The following TRPC4AP variants were observed in gnomAD, a reference collection of about 807,000 sequenced individuals.
TRPC4AP encodes short transient receptor potential channel 4-associated protein.
TRPC4AP carries 45 observed loss-of-function variants against 99.0 expected under a neutral mutation model. The observed-to-expected ratio is 0.45, with a 90% CI of 0.36 to 0.58. TRPC4AP has a LOEUF of 0.58. Ranked by LOEUF, TRPC4AP falls within the 20% of genes least tolerant of loss-of-function variation. The probability of loss-of-function intolerance (pLI) is 0.00; values close to 1 mark genes in which losing one functional copy is unlikely to be tolerated. For missense variants in TRPC4AP, 879 were observed against 985.3 expected, an observed-to-expected ratio of 0.89 and a Z score of 1.44; for synonymous variants, 408 against 385.8, an observed-to-expected ratio of 1.06 and a Z score of -0.67.
chr20:35,039,928 T>C (rs2083409017), intron 7 of TRPC4AP, among the ~76,000 whole-genome samples: 1 of 151,172 alleles, frequency 6.6e-6, no homozygotes, highest in Non-Finnish European at 1.5e-5. Flanking sequence ...TAATTACATG[T>C]AAATTATCTG....
intron 3 of TRPC4AP, among the ~76,000 whole-genome samples, chr20:35,059,710 TAAG>T (rs60932055): frequency 0.047 from 7,047 of 148,606 alleles, 534 homozygotes; most frequent in African/African-American, 0.16. Context: ...GAAGAAGAAA[TAAG>T]AAGAAGAAGA....
chr20:35,013,789 T>C lies in TRPC4AP; in HGVS notation c.1351-723A>G, dbSNP rs531428360. Among the ~76,000 whole-genome samples the C allele has an allele frequency of 2.6e-5, 4 of 152,208 alleles. No individual in the cohort carries two copies. The South Asian group carries it at 8.3e-4, about 32-fold the overall frequency. On this transcript the variant is annotated intron_variant, in intron 10 of 18. Transcript: ENST00000252015. ...TGCCCTGCAGGGACTAGACAGGGTG[T>C]CAGGTCCCAGTAAAGCCTGGGGAGC...
chr20:35,017,016 T>G (rs2082771045), intron 9 of TRPC4AP, among the ~76,000 whole-genome samples: 1 of 152,182 alleles, frequency 6.6e-6, no homozygotes, highest in Non-Finnish European at 1.5e-5. Context: ...TGCAAATCCA[T>G]AATCCCTTTA....
chr20:35,031,289 T>TGCA (rs1410486730), intron 8 of TRPC4AP, among the ~76,000 whole-genome samples: 3 of 151,724 alleles, frequency 2.0e-5, no homozygotes, highest in African/African-American at 7.3e-5. Context: ...AGGCTGTGAT[T>TGCA]GCAGCTCACT....
intron 12 of TRPC4AP, among the ~76,000 whole-genome samples, chr20:35,009,896 C>T (rs535048696): frequency 2.6e-5 from 4 of 152,318 alleles, no homozygotes; most frequent in Admixed American, 2.6e-4. Context: ...CGAGACAAGG[C>T]GGTGGGGCAG....
rs929171789 is a variant in TRPC4AP at position 35,003,760 on chromosome 20, G to C, written c.2050-144C>G. The C allele has an allele frequency of 6.6e-6, 6 of 914,876 alleles. No individual in the cohort carries two copies. In the East Asian group the frequency reaches 1.3e-4, roughly 20 times the overall value. The allele number at this position is 914,876 out of a possible 1,614,324, so 56.7% of individuals were successfully genotyped here. On this transcript the variant is annotated intron_variant, in intron 17 of 18. Transcript: ENST00000252015. ...GCTCTCCCTGCACAGAGGTGAGATA[G>C]GACTGGGGGAAGGGGGCCCCCAGCA...
At chr20:35,044,438 A>C (rs993277893) in intron 7 of TRPC4AP, 67 bp downstream of exon 7, 22 of 1,447,096 alleles carry the variant, frequency 1.5e-5, no homozygotes, top group South Asian at 2.6e-5. Flanking sequence ...AAAAGAAAAA[A>C]AACTAGATGA....
At position 35,023,172 on chromosome 20, in the gene TRPC4AP, A is replaced by G. The variant is rs544681235; in HGVS notation, c.1052-1816T>C. ...GACACAGTGTGACACGGTAGTTAAG[A>G]GCACTGACCCTGAAGCCAGACTACT... On this transcript the variant is annotated intron_variant, in intron 8 of 18. Coordinates refer to ENST00000252015, the MANE Select transcript of TRPC4AP (RefSeq NM_015638.3). Among the ~76,000 whole-genome samples, 167 of 152,310 alleles carry G rather than the reference A, an allele frequency of 1.1e-3. 1 individual carries two copies. The highest frequency in any genetic ancestry group is 1.9e-3 in the Non-Finnish European group (131 of 68,028).
chr20:35,086,256 G>T (rs1227754189), intron 1 of TRPC4AP, among the ~76,000 whole-genome samples: 1 of 152,004 alleles, frequency 6.6e-6, no homozygotes, highest in Non-Finnish European at 1.5e-5. Flanking sequence ...ACCGCACCCA[G>T]CCTAAATAGA....
chr20:35,005,922 AG>A (rs1446185381), intron 15 of TRPC4AP, 119 bp from the exon 16 acceptor site: 6 of 786,564 alleles, frequency 7.6e-6, no homozygotes, highest in Non-Finnish European at 1.0e-5. Context: ...TGCTTCAGAT[AG>A]GAAGACAGAG....
intron 9 of TRPC4AP, among the ~76,000 whole-genome samples, chr20:35,016,371 G>A (rs1433959591): frequency 6.6e-6 from 1 of 152,240 alleles, no homozygotes; most frequent in East Asian, 1.9e-4. Flanking sequence ...CATAATGTCC[G>A]GTAGTTCCTA....
intron 11 of TRPC4AP, 122 bp from the exon 12 acceptor site, chr20:35,010,410 A>G: frequency 1.3e-6 from 1 of 747,956 alleles, no homozygotes; most frequent in Non-Finnish European, 2.3e-6. Flanking sequence ...GCCACCAGGC[A>G]CTTTCCTCTA....
chr20:35,073,504 T>C (rs893532524), intron 2 of TRPC4AP, among the ~76,000 whole-genome samples: 4 of 152,210 alleles, frequency 2.6e-5, no homozygotes, highest in African/African-American at 9.6e-5. Context: ...TTGAATTTTG[T>C]CGAAGGCCTT....
At chr20:35,028,154 A>G (rs1192816956) in intron 8 of TRPC4AP, among the ~76,000 whole-genome samples, 1 of 152,098 alleles carries the variant, frequency 6.6e-6, no homozygotes, top group Non-Finnish European at 1.5e-5. Context: ...AGCACGCTTT[A>G]GCTGCATCCC....
At chr20:35,024,719 C>T (rs957213128) in intron 8 of TRPC4AP, among the ~76,000 whole-genome samples, 1 of 149,902 alleles carries the variant, frequency 6.7e-6, no homozygotes, top group African/African-American at 2.5e-5. Context: ...TTTCCAGCTA[C>T]TCGGGAGGCT....
chr20:35,033,309 C>T (rs923938633), intron 8 of TRPC4AP, among the ~76,000 whole-genome samples: 6 of 152,164 alleles, frequency 3.9e-5, no homozygotes, highest in Non-Finnish European at 8.8e-5. Flanking sequence ...AGACTATTTT[C>T]GTAAAGTCTC....
At chr20:35,083,020 G>A (rs2084687707) in intron 1 of TRPC4AP, among the ~76,000 whole-genome samples, 1 of 152,096 alleles carries the variant, frequency 6.6e-6, no homozygotes, top group African/African-American at 2.4e-5. Flanking sequence ...GCAGAGTAAG[G>A]CAAGATATAT....
intron 1 of TRPC4AP, among the ~76,000 whole-genome samples, chr20:35,079,477 A>G (rs1471379625): frequency 2.0e-5 from 3 of 152,232 alleles, no homozygotes; most frequent in African/African-American, 7.2e-5. Flanking sequence ...CTACCTTAGT[A>G]AACTACAGAA....
At chr20:35,060,584 C>CGAAAAAAAAAAAAAAAAAA (rs1569133058) in intron 3 of TRPC4AP, among the ~76,000 whole-genome samples, 2 of 45,868 alleles carry the variant, frequency 4.4e-5, no homozygotes, top group Admixed American at 2.8e-4. Context: ...GACCTTGTCT[C>CGAAAAAAAAAAAAAAAAAA]CAAAAAAAAA....
Sources: allele counts gnomAD v4.1 joint callset (sites outside exome capture counted in the v4.1 genomes callset), GRCh38; gene constraint gnomAD v4.1.1; transcripts MANE v1.5; gene names NCBI Gene and HGNC (gene_info 2026-07-23, HGNC 2026-07-21).